ZC2HC1A: variants seen among roughly 807,000 people sequenced by gnomAD.
ZC2HC1A encodes zinc finger C2HC-type containing 1A, also known as zinc finger C2HC domain-containing protein 1A.
A neutral mutation model predicts 40.7 loss-of-function variants in ZC2HC1A; 28 were observed. The observed-to-expected ratio is 0.69, with a 90% CI of 0.51 to 0.94. The LOEUF (loss-of-function observed/expected upper bound fraction) is 0.94. Among genes scored for constraint, ZC2HC1A ranks in the 40% least tolerant of loss-of-function variants. The pLI is 0.00. For missense variants in ZC2HC1A, 389 were observed against 386.3 expected (o/e 1.01, Z -0.06); for synonymous variants, 129 against 129.2 (o/e 1.00, Z 0.01).
intron 3 of ZC2HC1A, among the ~76,000 whole-genome samples, chr8:78,680,567 G>A (rs1809744604): frequency 6.6e-6 from 1 of 152,156 alleles, no homozygotes. Flanking sequence ...ATATTTACCT[G>A]TATCAAGAAA....
At chr8:78,672,362 C>G (rs988225527) in intron 1 of ZC2HC1A, among the ~76,000 whole-genome samples, 2 of 152,010 alleles carry the variant, frequency 1.3e-5, no homozygotes, top group African/African-American at 4.8e-5. Flanking sequence ...TCCAATTAAT[C>G]TTAATATAAG....
intron 7 of ZC2HC1A, among the ~76,000 whole-genome samples, chr8:78,711,161 G>A (rs1288516349): frequency 1.3e-5 from 2 of 152,108 alleles, no homozygotes; most frequent in Admixed American, 6.5e-5. Flanking sequence ...AAGTTAACAA[G>A]CAGTGATGTG....
At chr8:78,697,229 C>T (rs1040156043) in intron 5 of ZC2HC1A, among the ~76,000 whole-genome samples, 178 bp from the exon 6 acceptor site, 2 of 152,134 alleles carry the variant, frequency 1.3e-5, no homozygotes, top group Non-Finnish European at 2.9e-5. Context: ...TCAGTGTATA[C>T]TTACAAGTGT....
chr8:78,690,421 G>A (rs749778248), intron 5 of ZC2HC1A, among the ~76,000 whole-genome samples: 2 of 152,030 alleles, frequency 1.3e-5, no homozygotes, highest in African/African-American at 2.4e-5. Flanking sequence ...TTAGCTGGAC[G>A]TGGTGGCGGG....
rs60056547 is a variant in ZC2HC1A at position 78,686,431 on chromosome 8, GTTTATTTATTTA to G, written c.211-14_211-3del. The G allele has an allele frequency of 2.2e-3, 2,548 of 1,173,522 alleles. 133 individuals are homozygous for G. In the South Asian group the frequency reaches 0.054, roughly 25 times the overall value. 72.7% of individuals were successfully genotyped at this position (1,173,522 alleles called of 1,614,324 possible). On this transcript the variant is annotated intron_variant, in intron 3 of 8. Transcript: ENST00000263849. ...TCAATATACTAAAAAGATACTGTTT[GTTTATTTATTTA>G]TTTATTTATTTATTTATTTATAGCC...
intron 8 of ZC2HC1A, among the ~76,000 whole-genome samples, chr8:78,715,671 A>T (rs1027952063): frequency 6.6e-6 from 1 of 152,178 alleles, no homozygotes; most frequent in African/African-American, 2.4e-5. Context: ...CAGATGTACT[A>T]GCAAAATAGC....
chr8:78,687,935 A>G (rs1810075779), intron 4 of ZC2HC1A, among the ~76,000 whole-genome samples: 2 of 143,148 alleles, frequency 1.4e-5, no homozygotes, highest in South Asian at 2.1e-4. Context: ...TTATATCTAT[A>G]TTTTTATATA....
At chr8:78,685,917 A>G (rs1349259221) in intron 3 of ZC2HC1A, 1 of 152,416 alleles carries the variant, frequency 6.6e-6, no homozygotes, top group Admixed American at 6.5e-5. Context: ...GTCCAGGAGC[A>G]TAGTGCTAGC....
chr8:78,682,911 A>G (rs992332450), intron 3 of ZC2HC1A, among the ~76,000 whole-genome samples: 10 of 152,188 alleles, frequency 6.6e-5, no homozygotes, highest in Middle Eastern at 3.2e-3. Context: ...GCCAAAACAA[A>G]GGGGCCACAG....
At chr8:78,674,636 C>T (rs1308423316) in intron 1 of ZC2HC1A, among the ~76,000 whole-genome samples, 2 of 152,148 alleles carry the variant, frequency 1.3e-5, no homozygotes, top group East Asian at 3.8e-4. Context: ...ACATTGCCTC[C>T]ATCTGAGATG....
chr8:78,686,432 T>C (rs1809974013), intron 3 of ZC2HC1A, 35 bp from the exon 4 acceptor site: 1 of 46,844 alleles, frequency 2.1e-5, no homozygotes, highest in Non-Finnish European at 3.0e-5. Context: ...ATACTGTTTG[T>C]TTATTTATTT....
rs374049698 is a variant in ZC2HC1A, at chr8:78,715,242, T to C, written c.726T>C (p.Asn242=). Reference sequence around the variant, plus strand: ...ATAGAGCTAATGTCAAACCCCGAAATTCCACACCACCTAGTTTGGCAAGAA... The same window carrying C: ...ATAGAGCTAATGTCAAACCCCGAAACTCCACACCACCTAGTTTGGCAAGAA... The part of the protein sequence containing the change: ...PHAGANVKPR[N]STPPSLARNP... The change falls in exon 8 of 9, where the codon AAT becomes AAC. Residue 242 remains asparagine, a synonymous_variant. Transcript: ENST00000263849. The C allele has an allele frequency of 4.1e-5, 66 of 1,613,678 alleles. No homozygotes were observed. In the African/African-American group the frequency reaches 7.6e-4, roughly 19 times the overall value.
chr8:78,701,585 G>A (rs879285334), intron 7 of ZC2HC1A, among the ~76,000 whole-genome samples: 2 of 152,166 alleles, frequency 1.3e-5, no homozygotes, highest in African/African-American at 4.8e-5. Flanking sequence ...TTTTCAAGGG[G>A]AATGCTTCCA....
intron 3 of ZC2HC1A, among the ~76,000 whole-genome samples, chr8:78,680,330 A>C (rs1809738451): frequency 6.9e-6 from 1 of 145,832 alleles, no homozygotes; most frequent in Non-Finnish European, 1.5e-5. Context: ...AGTAAAAACC[A>C]TTGCTTTGTA....
intron 7 of ZC2HC1A, among the ~76,000 whole-genome samples, chr8:78,711,100 A>G (rs1040221567): frequency 1.3e-5 from 2 of 152,128 alleles, no homozygotes; most frequent in Non-Finnish European, 2.9e-5. Flanking sequence ...TAGTCAGTGA[A>G]TAAGTAAAGA....
At chr8:78,715,806 G>C (rs943669088) in intron 8 of ZC2HC1A, among the ~76,000 whole-genome samples, 17 of 152,080 alleles carry the variant, frequency 1.1e-4, no homozygotes, top group African/African-American at 3.9e-4. Flanking sequence ...TTGAGAGGCT[G>C]AGGCAGGTGG....
At chr8:78,673,805 G>T (rs1809499052) in intron 1 of ZC2HC1A, among the ~76,000 whole-genome samples, 1 of 151,916 alleles carries the variant, frequency 6.6e-6, no homozygotes, top group African/African-American at 2.4e-5. Flanking sequence ...TTATATATGT[G>T]TTTTATATAT....
intron 8 of ZC2HC1A, among the ~76,000 whole-genome samples, chr8:78,716,823 T>C (rs1811121642): frequency 6.6e-6 from 1 of 152,120 alleles, no homozygotes; most frequent in Non-Finnish European, 1.5e-5. Flanking sequence ...GACTTCCCCA[T>C]TGCTGTTCTT....
chr8:78,697,272 C>A, intron 5 of ZC2HC1A, 135 bp from the exon 6 acceptor site: 1 of 649,626 alleles, frequency 1.5e-6, no homozygotes, highest in Non-Finnish European at 2.5e-6. Flanking sequence ...ACCATCATCA[C>A]CATTCATTTC....
Sources: gnomAD v4.1 joint callset for allele counts (sites outside exome capture counted in the v4.1 genomes callset) on GRCh38, gnomAD v4.1.1 for gene constraint, MANE v1.5 for transcripts, NCBI Gene and HGNC (gene_info 2026-07-23, HGNC 2026-07-21) for gene names.